The following ALMS1 variants were observed in gnomAD, a reference collection of about 807,000 sequenced individuals.
The protein encoded by ALMS1 is ALMS1 centrosome and basal body associated protein, also known as centrosome-associated protein ALMS1.
Under a neutral mutation model 352.2 loss-of-function variants are expected in ALMS1, and 271 were observed. The ratio of observed to expected loss-of-function variants is 0.77; its 90% CI spans 0.70 to 0.85. ALMS1 has a LOEUF of 0.85. ALMS1 is among the 40% of genes least tolerant of loss of function. ALMS1 has a pLI of 0.00. For synonymous variants in ALMS1, 1,865 were observed against 1,761.2 expected (o/e 1.06, Z -1.48); for missense variants, 5,445 against 4,870.7 (o/e 1.12, Z -3.51).
chr2:73,409,637 T>A (rs1388624147), intron 2 of ALMS1, among the ~76,000 whole-genome samples: 6 of 152,214 alleles, frequency 3.9e-5, no homozygotes, highest in Non-Finnish European at 7.3e-5. Context: ...ATTGTTTAAA[T>A]TCCGGCTTAC....
At position 73,572,955 on chromosome 2, in the gene ALMS1, A is replaced by G; in HGVS notation, c.11078A>G (p.Lys3693Arg). 6.2e-7 allele frequency: 1 copy of G among 1,614,150 alleles called. No individual in the cohort carries two copies. Residue 3693 changes from lysine (K) to arginine (R), a missense_variant, in exon 16 of 23, where the codon AAA becomes AGA. By Grantham distance (26) the Lys-to-Arg change is conservative. Transcript: ENST00000613296. ...AGCCATAAAAATACAGGCGAGCTTA[A>G]AAAAAGCAAGGTGCTTTCTCATCAT... is the stretch of plus-strand genomic sequence containing the variant. ...EKSHKNTGELKKSKVLSHHRA... is the reference protein window; with the variant it reads ...EKSHKNTGELRKSKVLSHHRA...
rs1053425100 is a variant in ALMS1, at chr2:73,385,875, C to T, written c.7C>T (p.Pro3Ser). ...CCCAGAGCGAGACACCAACATGGAG[C>T]CCGAGGATCTGCCATGGCCGGGCGA... Reference protein sequence around the residue: MEPEDLPWPGELE... With the variant: MESEDLPWPGELE... The change falls in exon 1 of 23, where the codon CCC becomes TCC. Residue 3 changes from proline to serine, a missense_variant. Physicochemically the swap from Pro to Ser is moderately conservative, Grantham distance 74 (BLOSUM62 -1). Coordinates refer to ENST00000613296, the MANE Select transcript of ALMS1 (RefSeq NM_001378454.1). 1.0e-5 allele frequency: 8 copies of T among 768,076 alleles called. No individual in the cohort carries two copies. Among genetic ancestry groups the T allele is most frequent in the South Asian group, 1.0e-4 (7 of 68,076 alleles). The allele number at this position is 768,076 out of a possible 1,614,324, so 47.6% of individuals were successfully genotyped here. A position where few individuals can be genotyped will look rare whatever the true frequency, so the allele number is the denominator to read the frequency against.
chr2:73,408,694 A>G lies in ALMS1; in HGVS notation c.397A>G (p.Thr133Ala), dbSNP rs1278943325. 1.9e-6 allele frequency: 3 copies of G among 1,613,728 alleles called. No homozygotes were observed. The highest frequency in any genetic ancestry group is 8.5e-7 in the Non-Finnish European group (1 of 1,179,820). ...QGNSRTQISD[T>A]NVVCLETTAQ... ...CAATAGTAGAACACAAATTTCTGAT[A>G]CTAATGTGGTCTGTTTGGAAACAAC... Residue 133 changes from threonine (T) to alanine (A), a missense_variant, in exon 2 of 23, where the codon ACT becomes GCT. Thr to Ala is a moderately conservative substitution (Grantham distance 58). Coordinates refer to ENST00000613296, the MANE Select transcript of ALMS1 (RefSeq NM_001378454.1).
intron 9 of ALMS1, 138 bp from the exon 10 acceptor site, chr2:73,489,496 C>T (rs1009999776): frequency 1.4e-5 from 14 of 975,022 alleles, no homozygotes; most frequent in Non-Finnish European, 2.2e-5. Flanking sequence ...TGCTCTTTGT[C>T]CTGTTATATT....
At chr2:73,517,946 C>T (rs1015127041) in intron 10 of ALMS1, among the ~76,000 whole-genome samples, 1 of 152,220 alleles carries the variant, frequency 6.6e-6, no homozygotes, top group African/African-American at 2.4e-5. Flanking sequence ...GCGTGAGCCA[C>T]CACGCCTGAC....
At chr2:73,480,928 T>G (rs1192035882) in intron 9 of ALMS1, among the ~76,000 whole-genome samples, 34 of 148,918 alleles carry the variant, frequency 2.3e-4, no homozygotes, top group African/African-American at 7.6e-4. Context: ...GGGTTGTTTG[T>G]TTTTTTCTTG....
intron 1 of ALMS1, among the ~76,000 whole-genome samples, chr2:73,394,633 A>G (rs951811199): frequency 1.3e-5 from 2 of 152,198 alleles, no homozygotes; most frequent in African/African-American, 4.8e-5. Flanking sequence ...TGCAGGCGTG[A>G]GCCACCGTGC....
At chr2:73,608,647 G>T in intron 22 of ALMS1, 73 bp downstream of exon 22, 2 of 1,214,016 alleles carry the variant, frequency 1.6e-6, no homozygotes, top group Non-Finnish European at 2.4e-6. Context: ...AAAACACGTT[G>T]CCTGTTGAGT....
chr2:73,593,119 C>A (rs562697576), intron 16 of ALMS1, among the ~76,000 whole-genome samples: 1 of 125,522 alleles, frequency 8.0e-6, no homozygotes, highest in Non-Finnish European at 1.7e-5. Flanking sequence ...ATTAGAGATG[C>A]GTGGGACTCT....
intron 9 of ALMS1, among the ~76,000 whole-genome samples, chr2:73,474,165 A>G (rs1672529800): frequency 6.6e-6 from 1 of 151,998 alleles, no homozygotes; most frequent in Non-Finnish European, 1.5e-5. Context: ...CTGGTTTTGA[A>G]GTCATAAAAT....
At position 73,385,930 on chromosome 2, in the gene ALMS1, AGGAG is replaced by A; in HGVS notation, c.64_67del (p.Glu22ArgfsTer18). On this transcript the variant is annotated frameshift_variant, in exon 1 of 23. Coordinates refer to ENST00000613296, the MANE Select transcript of ALMS1 (RefSeq NM_001378454.1). LOFTEE classifies it high-confidence loss of function. The stretch of plus-strand genomic sequence containing the variant: ...GAGGAGGAGGAGGAGGAGGAGGAGG[AGGAG>A]GAGGAGGAAGAGGAGGAGGCTGCAG... 5 of 1,063,370 alleles carry A rather than the reference AGGAG, an allele frequency of 4.7e-6. No individual in the cohort carries two copies. The highest frequency in any genetic ancestry group is 7.1e-6 in the Non-Finnish European group (5 of 708,446). 65.9% of individuals were successfully genotyped at this position (1,063,370 alleles called of 1,614,324 possible).
At chr2:73,386,953 C>A (rs904548107) in intron 1 of ALMS1, among the ~76,000 whole-genome samples, 2 of 152,120 alleles carry the variant, frequency 1.3e-5, no homozygotes, top group Admixed American at 6.5e-5. Context: ...CCACGTGTGG[C>A]TTTTTACATC....
At chr2:73,532,786 C>A (rs1673949072) in intron 11 of ALMS1, among the ~76,000 whole-genome samples, 1 of 152,142 alleles carries the variant, frequency 6.6e-6, no homozygotes, top group Non-Finnish European at 1.5e-5. Flanking sequence ...CTCTCCTTTT[C>A]TCAAGCAAAG....
intron 12 of ALMS1, among the ~76,000 whole-genome samples, chr2:73,536,268 C>G (rs1175302087): frequency 6.6e-6 from 1 of 152,198 alleles, no homozygotes; most frequent in Non-Finnish European, 1.5e-5. Context: ...CCAGTACTTT[C>G]TGAGGCCTCC....
At chr2:73,438,588 A>G (rs1671652296) in intron 7 of ALMS1, among the ~76,000 whole-genome samples, 1 of 152,220 alleles carries the variant, frequency 6.6e-6, no homozygotes. Context: ...AATAGGAAAT[A>G]CAAATTTGGA....
intron 16 of ALMS1, among the ~76,000 whole-genome samples, chr2:73,598,579 A>C (rs992156895): frequency 2.0e-5 from 3 of 152,102 alleles, no homozygotes; most frequent in Admixed American, 2.0e-4. Flanking sequence ...TCAGTTTCCT[A>C]TCCTTACCCT....
rs1171406429 is a variant in ALMS1, at chr2:73,451,202, C to T, written c.4675C>T (p.Gln1559Ter). 1 of 1,613,972 alleles carries T rather than the reference C, an allele frequency of 6.2e-7. No individual in the cohort carries two copies. Among genetic ancestry groups the T allele is most frequent in the African/African-American group, 1.3e-5 (1 of 74,982 alleles). Residue 1559 changes from glutamine to a stop codon, truncating the protein, a stop_gained, in exon 8 of 23, where the codon CAG becomes TAG. Transcript: ENST00000613296. LOFTEE classifies it high-confidence loss of function. Reference sequence around the variant, plus strand: ...TTCTTCTGCTCCTGGACCAGCTGACCAGACAACTGGCATACCAACCATAAC... The same window carrying T: ...TTCTTCTGCTCCTGGACCAGCTGACTAGACAACTGGCATACCAACCATAAC... ...RVSSAPGPAD[Q>*]TTGIPTITST...
intron 9 of ALMS1, among the ~76,000 whole-genome samples, chr2:73,474,159 T>C (rs984891119): frequency 3.3e-5 from 5 of 151,986 alleles, no homozygotes; most frequent in African/African-American, 1.2e-4. Flanking sequence ...TTAAATCTGG[T>C]TTTGAAGTCA....
chr2:73,500,227 A>G (rs1673192630), intron 10 of ALMS1, among the ~76,000 whole-genome samples: 2 of 152,162 alleles, frequency 1.3e-5, no homozygotes, highest in Admixed American at 6.5e-5. Context: ...CAATGACCCA[A>G]CTAGTTTCAG....
Sources: gnomAD v4.1 joint callset for allele counts (sites outside exome capture counted in the v4.1 genomes callset) on GRCh38, gnomAD v4.1.1 for gene constraint, MANE v1.5 for transcripts, NCBI Gene and HGNC (gene_info 2026-07-23, HGNC 2026-07-21) for gene names.